SFSWAP: variants seen among roughly 807,000 people sequenced by gnomAD.
The protein encoded by SFSWAP is splicing factor, suppressor of white-apricot homolog.
Under a neutral mutation model 100.7 loss-of-function variants are expected in SFSWAP, and 17 were observed. That is an observed-to-expected ratio of 0.17 (90% confidence interval 0.12 to 0.25). The LOEUF (loss-of-function observed/expected upper bound fraction) is 0.25, where lower values mean the gene tolerates loss of function less well. SFSWAP is among the 10% of genes least tolerant of loss of function. The probability of loss-of-function intolerance (pLI) is 1.00; values close to 1 mark genes in which losing one functional copy is unlikely to be tolerated. For synonymous variants in SFSWAP, 504 were observed against 510.1 expected, an observed-to-expected ratio of 0.99 and a Z score of 0.16; for missense variants, 1,005 against 1,262.6, an observed-to-expected ratio of 0.80 and a Z score of 3.09.
At chr12:131,739,401 T>C (rs567804859) in intron 7 of SFSWAP, among the ~76,000 whole-genome samples, 5 of 152,146 alleles carry the variant, frequency 3.3e-5, no homozygotes, top group African/African-American at 4.8e-5. Flanking sequence ...TATGCTGATA[T>C]AGAAATATAT....
chr12:131,784,861 T>C (rs1884776678), intron 14 of SFSWAP: 1 of 413,774 alleles, frequency 2.4e-6, no homozygotes, highest in Non-Finnish European at 4.3e-6. Context: ...CTAATAGCCA[T>C]GACAAAATGG....
chr12:131,745,579 A>G (rs755192843), intron 7 of SFSWAP, among the ~76,000 whole-genome samples: 5 of 152,232 alleles, frequency 3.3e-5, no homozygotes, highest in Non-Finnish European at 5.9e-5. Flanking sequence ...TGACATTTAC[A>G]TGCATAGAAT....
intron 13 of SFSWAP, among the ~76,000 whole-genome samples, chr12:131,770,686 G>GT: frequency 6.6e-6 from 1 of 152,032 alleles, no homozygotes; most frequent in East Asian, 1.9e-4. Context: ...CTTCTGTAGA[G>GT]TTTGAGTTTT....
intron 7 of SFSWAP, among the ~76,000 whole-genome samples, chr12:131,738,885 C>CTTTTTTTTTTTTTTTTTTG (rs1880309505): frequency 2.1e-5 from 1 of 48,718 alleles, no homozygotes. Flanking sequence ...GAACATTATT[C>CTTTTTTTTTTTTTTTTTTG]TTTTTTTTTT....
chr12:131,724,733 A>T (rs1878798405), intron 4 of SFSWAP, among the ~76,000 whole-genome samples: 1 of 152,204 alleles, frequency 6.6e-6, no homozygotes, highest in African/African-American at 2.4e-5. Context: ...GGGATGGGGG[A>T]GGGCTTTGAT....
chr12:131,756,780 T>TTTCACCACA, intron 11 of SFSWAP, 136 bp downstream of exon 11: 1 of 707,992 alleles, frequency 1.4e-6, no homozygotes. Flanking sequence ...GTTGCTGTGG[T>TTTCACCACA]GAAACCTCTG....
At chr12:131,785,180 G>C in intron 14 of SFSWAP, 1 of 1,535,554 alleles carries the variant, frequency 6.5e-7, no homozygotes, top group Non-Finnish European at 8.7e-7. Flanking sequence ...ACCACCACCA[G>C]ATTTGACTCC....
At chr12:131,721,174 A>G (rs974064244) in intron 4 of SFSWAP, among the ~76,000 whole-genome samples, 3 of 152,138 alleles carry the variant, frequency 2.0e-5, no homozygotes, top group African/African-American at 7.2e-5. Flanking sequence ...GTGCGAAACT[A>G]TTCATGAAGG....
At chr12:131,770,185 G>T (rs1026412263) in intron 13 of SFSWAP, among the ~76,000 whole-genome samples, 1 of 152,214 alleles carries the variant, frequency 6.6e-6, no homozygotes, top group African/African-American at 2.4e-5. Context: ...AAGTATTCTA[G>T]CATCTGCTTT....
chr12:131,771,957 G>A (rs140680772), intron 13 of SFSWAP, among the ~76,000 whole-genome samples: 223 of 152,188 alleles, frequency 1.5e-3, no homozygotes, highest in African/African-American at 4.2e-3. Context: ...CACCGCTCCC[G>A]GCCACTTTGC....
At chr12:131,799,274 C>T (rs1432456311) in intron 17 of SFSWAP, 149 bp from the exon 18 acceptor site, 1 of 1,017,526 alleles carries the variant, frequency 9.8e-7, no homozygotes, top group African/African-American at 1.6e-5. Flanking sequence ...AGCCGTGTGG[C>T]CCGCACCCTG....
chr12:131,779,966 A>G (rs1460706262), intron 14 of SFSWAP, among the ~76,000 whole-genome samples: 1 of 152,054 alleles, frequency 6.6e-6, no homozygotes, highest in Non-Finnish European at 1.5e-5. Flanking sequence ...TTGTTTTTTT[A>G]GTAGAGATTG....
rs7967932 is a variant in SFSWAP, at chr12:131,799,508, G to A, written c.*20G>A. 0.095 allele frequency: 152,843 copies of A among 1,611,100 alleles called. 16,071 individuals are homozygous for A. Among genetic ancestry groups the A allele is most frequent in the African/African-American group, 0.52 (38,957 of 74,840 alleles). ...TCCTGAGACGGGGCCAGCGGAGGCA[G>A]AGCCGGGAGGCTGCGTGGGCTTCTG... is the stretch of plus-strand genomic sequence containing the variant. On this transcript the variant is annotated 3_prime_UTR_variant, in exon 18 of 18. Transcript: ENST00000261674.
At chr12:131,716,814 A>G (rs1320445421) in intron 3 of SFSWAP, among the ~76,000 whole-genome samples, 1 of 152,166 alleles carries the variant, frequency 6.6e-6, no homozygotes, top group African/African-American at 2.4e-5. Context: ...TAGATGATGG[A>G]CCATTGTCTC....
intron 15 of SFSWAP, among the ~76,000 whole-genome samples, chr12:131,791,586 A>G (rs1885228665): frequency 1.3e-5 from 2 of 151,588 alleles, no homozygotes; most frequent in African/African-American, 4.9e-5. Context: ...CTCTGTCTCT[A>G]CTATAAGTAC....
intron 7 of SFSWAP, among the ~76,000 whole-genome samples, chr12:131,752,277 A>C (rs1466998209): frequency 2.6e-5 from 4 of 152,272 alleles, no homozygotes; most frequent in African/African-American, 9.6e-5. Flanking sequence ...GAGGAAATTA[A>C]ATCTCTGTGT....
At chr12:131,790,105 GA>G (rs1485016455) in intron 15 of SFSWAP, among the ~76,000 whole-genome samples, 3 of 152,198 alleles carry the variant, frequency 2.0e-5, no homozygotes, top group Non-Finnish European at 4.4e-5. Context: ...TGTTTATGCT[GA>G]AGACCCTGCC....
chr12:131,797,464 TC>T, intron 16 of SFSWAP, 104 bp downstream of exon 16: 1 of 1,093,416 alleles, frequency 9.1e-7, no homozygotes, highest in Non-Finnish European at 1.3e-6. Flanking sequence ...CTCGCCTGTG[TC>T]CAGGGGGCGC....
In SFSWAP at chr12:131,711,568, A is replaced by G. The variant is rs1877347297; in HGVS notation, c.218+121A>G. On this transcript the variant is annotated intron_variant, in intron 1 of 17. Transcript: ENST00000261674. The surrounding 1 kb of genome is among the most constrained non-coding windows in gnomAD (Gnocchi z 4.9). ...TGGAGCCAGCGGGGATCTGGGGGAC[A>G]CCCCCTCCCCTGTCCCCACCTCCTC... The G allele has an allele frequency of 3.7e-6, 3 of 808,210 alleles. No individual in the cohort carries two copies. Among genetic ancestry groups the G allele is most frequent in the Admixed American group, 2.2e-5 (1 of 45,132 alleles). The allele number at this position is 808,210 out of a possible 1,614,324, so 50.1% of individuals were successfully genotyped here.
Sources: gnomAD v4.1 joint callset for allele counts (sites outside exome capture counted in the v4.1 genomes callset) on GRCh38, gnomAD v4.1.1 for gene constraint, Gnocchi (gnomAD v3.1) non-coding constraint, MANE v1.5 for transcripts, NCBI Gene and HGNC (gene_info 2026-07-23, HGNC 2026-07-21) for gene names.